RC3H2: variants seen among roughly 807,000 people sequenced by gnomAD.
RC3H2 encodes ring finger and CCCH-type domains 2, also known as roquin-2.
RC3H2 carries 31 observed loss-of-function variants against 133.3 expected under a neutral mutation model. The ratio of observed to expected loss-of-function variants is 0.23; its 90% CI spans 0.17 to 0.31. The LOEUF (loss-of-function observed/expected upper bound fraction) is 0.31, where lower values mean the gene tolerates loss of function less well. Ranked by LOEUF, RC3H2 falls within the 10% of genes least tolerant of loss-of-function variation. The pLI is 1.00. For synonymous variants in RC3H2, 517 were observed against 502.2 expected (o/e 1.03, Z -0.40); for missense variants, 1,175 against 1,437.2 (o/e 0.82, Z 2.95).
In RC3H2 at chr9:122,846,042, C is replaced by T. The variant is rs960414741; in HGVS notation, c.*3585G>A. Reference sequence around the variant, plus strand: ...ACCCCTGTTAACAAGACAACATAGGCTTTAATGTCTAAAATCCAAAAGCAA... The same window carrying T: ...ACCCCTGTTAACAAGACAACATAGGTTTTAATGTCTAAAATCCAAAAGCAA... On this transcript the variant is annotated 3_prime_UTR_variant, in exon 21 of 21. Transcript: ENST00000357244. 6.6e-6 allele frequency: 1 copy of T among 152,146 alleles called. No homozygotes were observed. Among genetic ancestry groups the T allele is most frequent in the African/African-American group, 2.4e-5 (1 of 41,440 alleles). The allele number at this position is 152,146 out of a possible 1,614,324, so 9.4% of individuals were successfully genotyped here.
At chr9:122,901,819 G>A (rs1213356441) in intron 1 of RC3H2, among the ~76,000 whole-genome samples, 4 of 151,628 alleles carry the variant, frequency 2.6e-5, no homozygotes, top group African/African-American at 4.8e-5. Context: ...TCAAACTCCT[G>A]ACCTCGTGAT....
At chr9:122,856,629 G>A (rs76198507) in intron 13 of RC3H2, among the ~76,000 whole-genome samples, 3,582 of 152,198 alleles carry the variant, frequency 0.024, 67 homozygotes, top group Non-Finnish European at 0.038. Context: ...CAGTATCAAA[G>A]AACAAAAGGA....
intron 1 of RC3H2, among the ~76,000 whole-genome samples, chr9:122,903,660 T>A (rs541875023): frequency 6.6e-6 from 1 of 152,364 alleles, no homozygotes; most frequent in East Asian, 1.9e-4. Flanking sequence ...AATTATAACA[T>A]CTGCTTTTTC....
intron 8 of RC3H2, among the ~76,000 whole-genome samples, chr9:122,879,106 C>A (rs1831476751): frequency 6.7e-6 from 1 of 149,196 alleles, no homozygotes; most frequent in Admixed American, 6.7e-5. Flanking sequence ...CTTGAAAATT[C>A]AAATTTCGGC....
Position 122,848,478 on chromosome 9 carries a change from G to A in RC3H2, c.*1149C>T, listed in dbSNP as rs1829913821. 1.3e-5 allele frequency: 2 copies of A among 152,076 alleles called. No individual in the cohort carries two copies. The highest frequency in any genetic ancestry group is 6.6e-5 in the Admixed American group (1 of 15,266). The allele number at this position is 152,076 out of a possible 1,614,324, so 9.4% of individuals were successfully genotyped here. A position where few individuals can be genotyped will look rare whatever the true frequency, so the allele number is the denominator to read the frequency against. On this transcript the variant is annotated 3_prime_UTR_variant, in exon 21 of 21. Coordinates refer to ENST00000357244, the MANE Select transcript of RC3H2 (RefSeq NM_001100588.3). Reference sequence around the variant, plus strand: ...ATTTCAGTCACATTTTAGCAAGGCAGAAATTATTCATGTTCTTAAGTATGA... The same window carrying A: ...ATTTCAGTCACATTTTAGCAAGGCAAAAATTATTCATGTTCTTAAGTATGA...
intron 4 of RC3H2, 67 bp from the exon 5 acceptor site, chr9:122,883,446 G>A (rs1211391583): frequency 4.7e-6 from 6 of 1,286,512 alleles, no homozygotes; most frequent in Non-Finnish European, 5.3e-6. Flanking sequence ...TGTGTCATAG[G>A]CATCTTTGGG....
chr9:122,877,492 T>A lies in RC3H2; in HGVS notation c.1304A>T (p.His435Leu). 1 of 1,614,050 alleles carries A rather than the reference T, an allele frequency of 6.2e-7. No individual in the cohort carries two copies. The highest frequency in any genetic ancestry group is 8.5e-7 in the Non-Finnish European group (1 of 1,179,928). Residue 435 changes from histidine to leucine, a missense_variant, in exon 9 of 21, where the codon CAT (histidine) becomes CTT (leucine). Coordinates refer to ENST00000357244, the MANE Select transcript of RC3H2 (RefSeq NM_001100588.3). The stretch of plus-strand genomic sequence containing the variant: ...TTACTTTTCAAGCTCTTCCTGAGAA[T>A]GGGCAAATGTACAATTTGTTCCTCG... ...CPRGTNCTFAHSQEELEKYRL... is the reference protein window; with the variant it reads ...CPRGTNCTFALSQEELEKYRL...
At chr9:122,862,680 C>T (rs1279540024) in intron 10 of RC3H2, among the ~76,000 whole-genome samples, 1 of 152,008 alleles carries the variant, frequency 6.6e-6, no homozygotes, top group Non-Finnish European at 1.5e-5. Context: ...AGATCACTTG[C>T]GGTCAGGAGT....
At position 122,854,064 on chromosome 9, in the gene RC3H2, A is replaced by C; in HGVS notation, c.3005T>G (p.Leu1002Arg). ...GGCCAAAGCATTGGCCTCTCTCTGA[A>C]GAAGTAATGAGTTGCTCTTGGCCTA... ...LQQAKSNSLL[L>R]QREANALAMQ... The change falls in exon 18 of 21, where the codon CTT (leucine) becomes CGT (arginine). Residue 1002 changes from leucine (L) to arginine (R), a missense_variant. This residue lies in a region of RC3H2 where 138 missense variants were observed against 215.0 expected (regional missense o/e 0.64). Transcript: ENST00000357244. 1 of 1,614,078 alleles carries C rather than the reference A, an allele frequency of 6.2e-7. No homozygotes were observed. The highest frequency in any genetic ancestry group is 8.5e-7 in the Non-Finnish European group (1 of 1,180,042).
chr9:122,858,828 T>C lies in RC3H2; in HGVS notation c.2124A>G (p.Arg708=). ...RRIWRPPMYQ[R]DDIIRSNSLP... is the part of the protein sequence containing the mutation. ...AAGAATTGCTTCTAATAATGTCATC[T>C]CGTTGGTACATAGGTGGGCGCCAGA... Residue 708 remains arginine, a synonymous_variant, in exon 12 of 21, where the codon CGA becomes CGG. Coordinates refer to ENST00000357244, the MANE Select transcript of RC3H2 (RefSeq NM_001100588.3). The C allele has an allele frequency of 6.2e-7, 1 of 1,614,302 alleles. No homozygotes were observed. Among genetic ancestry groups the C allele is most frequent in the East Asian group, 2.2e-5 (1 of 44,894 alleles).
intron 10 of RC3H2, among the ~76,000 whole-genome samples, chr9:122,861,515 G>GAA (rs57985244): frequency 1.8e-4 from 25 of 136,308 alleles, no homozygotes; most frequent in South Asian, 6.8e-4. Flanking sequence ...AAAAAGAAAA[G>GAA]AAAAAAAACC....
chr9:122,879,734 A>T (rs754776059), intron 8 of RC3H2, 21 bp downstream of exon 8: 2 of 1,485,186 alleles, frequency 1.3e-6, no homozygotes, highest in Non-Finnish European at 1.9e-6. Context: ...CAGCAGTCAG[A>T]AATGTAATAA....
At chr9:122,904,969 G>A in intron 1 of RC3H2, 141 bp downstream of exon 1, 3 of 487,720 alleles carry the variant, frequency 6.2e-6, no homozygotes, top group Non-Finnish European at 8.0e-6. Flanking sequence ...AGTGTCAGGT[G>A]CGGCCCTCAG....
intron 20 of RC3H2, among the ~76,000 whole-genome samples, chr9:122,850,726 T>C (rs2131377241): frequency 6.6e-6 from 1 of 152,250 alleles, no homozygotes; most frequent in South Asian, 2.1e-4. Flanking sequence ...CATGAGCCAC[T>C]ACGCCCAGCC....
rs1829895077 is a variant in RC3H2 at position 122,847,496 on chromosome 9, A to G, written c.*2131T>C. ...ACTATTAAATATCCATGAAATAGACAGACTGGTTTGCATATCCTTTTTGGA... is the reference window on the plus strand; with the variant it reads ...ACTATTAAATATCCATGAAATAGACGGACTGGTTTGCATATCCTTTTTGGA... On this transcript the variant is annotated 3_prime_UTR_variant, in exon 21 of 21. Transcript: ENST00000357244. 1 of 152,188 alleles carries G rather than the reference A, an allele frequency of 6.6e-6. No homozygotes were observed. Among genetic ancestry groups the G allele is most frequent in the African/African-American group, 2.4e-5 (1 of 41,458 alleles). 9.4% of individuals were successfully genotyped at this position (152,188 alleles called of 1,614,324 possible).
chr9:122,850,645 T>C (rs1344170747), intron 20 of RC3H2, among the ~76,000 whole-genome samples: 1 of 151,852 alleles, frequency 6.6e-6, no homozygotes, highest in Admixed American at 6.6e-5. Context: ...GGTTTCACTA[T>C]GTTGGCCAGG....
chr9:122,884,727 T>A (rs1396890562), intron 4 of RC3H2, among the ~76,000 whole-genome samples: 1 of 151,362 alleles, frequency 6.6e-6, no homozygotes, highest in Non-Finnish European at 1.5e-5. Flanking sequence ...GTGGCGTGCA[T>A]CTGTAGTCAC....
At chr9:122,859,796 T>G in intron 11 of RC3H2, 121 bp downstream of exon 11, 1 of 846,420 alleles carries the variant, frequency 1.2e-6, no homozygotes, top group East Asian at 2.4e-5. Context: ...GGAAAAAAAC[T>G]TATGAGTCAC....
rs1394045306 is a variant in RC3H2 at position 122,866,931 on chromosome 9, C to T, written c.1326-1274G>A. On this transcript the variant is annotated intron_variant, in intron 9 of 20. Transcript: ENST00000357244. ...GTCTGGAAAGTGAGAAGCGTCTGCC[C>T]GGCCGCCATCCCATCTAGGAAGTGA... Among the ~76,000 whole-genome samples the T allele has an allele frequency of 2.0e-5, 3 of 148,656 alleles. 1 individual carries two copies. The highest frequency in any genetic ancestry group is 4.4e-4 in the South Asian group (2 of 4,550).
Sources: gnomAD v4.1 joint callset for allele counts (sites outside exome capture counted in the v4.1 genomes callset) on GRCh38, gnomAD v4.1.1 for gene constraint, gnomAD v4.1.1 regional missense constraint, MANE v1.5 for transcripts, NCBI Gene and HGNC (gene_info 2026-07-23, HGNC 2026-07-21) for gene names.